Variants in VWA5B2 observed in about 807,000 individuals in gnomAD.
The protein encoded by VWA5B2 is von Willebrand factor A domain-containing protein 5B2.
In VWA5B2, 93 loss-of-function variants were observed where a neutral mutation model predicts 118.5. That is an observed-to-expected ratio of 0.79 (90% CI 0.66 to 0.93). VWA5B2 has a LOEUF of 0.93. Ranked by LOEUF, VWA5B2 falls within the 40% of genes least tolerant of loss-of-function variation. The pLI is 0.00. For synonymous variants in VWA5B2, 708 were observed against 716.3 expected (o/e 0.99, Z 0.19); for missense variants, 1,546 against 1,672.8 (o/e 0.92, Z 1.32).
rs962755124 is a variant in VWA5B2 at position 184,230,477 on chromosome 3, C to G, written c.-52C>G. 2.1e-6 allele frequency: 3 copies of G among 1,397,218 alleles called. No homozygotes were observed. Among genetic ancestry groups the G allele is most frequent in the Non-Finnish European group, 9.2e-7 (1 of 1,085,902 alleles). 86.6% of individuals were successfully genotyped at this position (1,397,218 alleles called of 1,614,324 possible). A position where few individuals can be genotyped will look rare whatever the true frequency, so the allele number is the denominator to read the frequency against. On this transcript the variant is annotated 5_prime_UTR_variant, in exon 2 of 20. Transcript: ENST00000691901. ...GGAGCGCGGGGTGGGCGTCCCGTCA[C>G]CCTGCGCCCAGCTTCCCCGGCCCGT...
Position 184,241,579 on chromosome 3 carries a change from C to T in VWA5B2, c.3270C>T (p.Ala1090=), listed in dbSNP as rs1718668569. The T allele has an allele frequency of 6.5e-7, 1 of 1,547,310 alleles. No homozygotes were observed. The highest frequency in any genetic ancestry group is 1.4e-5 in the African/African-American group (1 of 73,052). The change falls in exon 20 of 20, where the codon GCC becomes GCT. Residue 1090 remains alanine, a synonymous_variant. Transcript: ENST00000691901. The surrounding 1 kb of genome is among the most constrained non-coding windows in gnomAD (Gnocchi z 5.1). The part of the protein sequence containing the change: ...VRISQERLCR[A]SPFAVHRASL... ...TCTCGCAGGAGCGCCTCTGCCGTGC[C>T]TCGCCCTTTGCCGTGCACCGCGCCA...
At position 184,239,275 on chromosome 3, in the gene VWA5B2, C is replaced by A; in HGVS notation, c.2203-119C>A. 8.4e-7 allele frequency: 1 copy of A among 1,191,738 alleles called. No individual in the cohort carries two copies. Among genetic ancestry groups the A allele is most frequent in the Non-Finnish European group, 1.1e-6 (1 of 893,216 alleles). The allele number at this position is 1,191,738 out of a possible 1,614,324, so 73.8% of individuals were successfully genotyped here. A position where few individuals can be genotyped will look rare whatever the true frequency, so the allele number is the denominator to read the frequency against. Reference sequence around the variant, plus strand: ...CCATAAGGAACTTGGCCTTCCTCCTCAAGCTGGTGAGCGGCCACCCAGGGT... The same window carrying A: ...CCATAAGGAACTTGGCCTTCCTCCTAAAGCTGGTGAGCGGCCACCCAGGGT... On this transcript the variant is annotated intron_variant, in intron 14 of 19. Transcript: ENST00000691901. This position sits in a 1 kb window ranked among gnomAD's most constrained non-coding sequence, Gnocchi z 5.1.
Position 184,230,669 on chromosome 3 carries a change from T to C in VWA5B2, c.139+2T>C. The C allele has an allele frequency of 7.7e-7, 1 of 1,305,180 alleles. No homozygotes were observed. The allele number at this position is 1,305,180 out of a possible 1,614,324, so 80.8% of individuals were successfully genotyped here. A position where few individuals can be genotyped will look rare whatever the true frequency, so the allele number is the denominator to read the frequency against. ...ACCCGCAGCCGCAGCCGGTGGACGGTGAGGCCCGGGTGGGGCGCGGGCGCG... is the reference window on the plus strand; with the variant it reads ...ACCCGCAGCCGCAGCCGGTGGACGGCGAGGCCCGGGTGGGGCGCGGGCGCG... On this transcript the variant is annotated splice_donor_variant, in intron 2 of 19. Coordinates refer to ENST00000691901, the MANE Select transcript of VWA5B2 (RefSeq NM_001390846.1). LOFTEE classifies it high-confidence loss of function.
chr3:184,236,685 G>T lies in VWA5B2; in HGVS notation c.1469G>T (p.Gly490Val), dbSNP rs768368368. The T allele has an allele frequency of 7.1e-6, 11 of 1,551,250 alleles. No homozygotes were observed. The highest frequency in any genetic ancestry group is 8.7e-6 in the Non-Finnish European group (10 of 1,146,748). ...LGPTCHQLLQ[G>V]LSALSRGQAY... is the part of the protein sequence containing the mutation. ...CCCACCTGCCACCAGCTGCTCCAGGGTTTATCTGCCCTCAGCAGAGGCCAG... is the reference window on the plus strand; with the variant it reads ...CCCACCTGCCACCAGCTGCTCCAGGTTTTATCTGCCCTCAGCAGAGGCCAG... Residue 490 changes from glycine (G) to valine (V), a missense_variant, in exon 11 of 20, where the codon GGT becomes GTT. Coordinates refer to ENST00000691901, the MANE Select transcript of VWA5B2 (RefSeq NM_001390846.1).
Position 184,230,786 on chromosome 3 carries a change from C to T in VWA5B2, c.179C>T (p.Ser60Phe), listed in dbSNP as rs1490754772. Residue 60 changes from serine (S) to phenylalanine (F), a missense_variant, in exon 3 of 20, where the codon TCC becomes TTC. Around this residue, in one of 3 missense-constraint regions of VWA5B2, gnomAD observed 775 missense variants for 882.3 expected, o/e 0.88. Transcript: ENST00000691901. ...CCGCTGGCCGAGGCCGAGGTGGTGT[C>T]CGGCTTCGAGGCCGAGGCCGCCGGA... ...VYPLAEAEVV[S>F]GFEAEAAGRR... 3.2e-6 allele frequency: 4 copies of T among 1,242,026 alleles called. No individual in the cohort carries two copies. Among genetic ancestry groups the T allele is most frequent in the Non-Finnish European group, 4.0e-6 (4 of 993,718 alleles). 76.9% of individuals were successfully genotyped at this position (1,242,026 alleles called of 1,614,324 possible). A position where few individuals can be genotyped will look rare whatever the true frequency, so the allele number is the denominator to read the frequency against.
Position 184,234,449 on chromosome 3 carries a change from T to C in VWA5B2, c.820+52T>C, listed in dbSNP as rs147056795. The C allele has an allele frequency of 8.4e-6, 13 of 1,545,720 alleles. No individual in the cohort carries two copies. In the East Asian group the frequency reaches 1.7e-4, roughly 20 times the overall value. The stretch of plus-strand genomic sequence containing the variant: ...CGGCTCTGACCTGCTTCTACATGAA[T>C]GGGGGAAGCATTTCTTAAGTGCAGG... On this transcript the variant is annotated intron_variant, in intron 6 of 19. Coordinates refer to ENST00000691901, the MANE Select transcript of VWA5B2 (RefSeq NM_001390846.1).
At position 184,233,526 on chromosome 3, in the gene VWA5B2, T is replaced by C; in HGVS notation, c.531-50T>C. ...GGGCTGGGGCCAGTCAGCCGGAGGG[T>C]TTAGGGGCCTTCACAGTGGCCCAGT... is the stretch of plus-strand genomic sequence containing the variant. On this transcript the variant is annotated intron_variant, in intron 4 of 19. Transcript: ENST00000691901. This position sits in a 1 kb window ranked among gnomAD's most constrained non-coding sequence, Gnocchi z 5.2. The C allele has an allele frequency of 6.5e-7, 1 of 1,537,262 alleles. No individual in the cohort carries two copies. The highest frequency in any genetic ancestry group is 8.8e-7 in the Non-Finnish European group (1 of 1,140,018).
In VWA5B2 at chr3:184,240,872, C is replaced by A; in HGVS notation, c.2822C>A (p.Ala941Asp). Reference sequence around the variant, plus strand: ...CCCTCCTGCTTCACTTGCCCTGTAGCTGTGGATGCTACTACTAGGGAGGTC... The same window carrying A: ...CCCTCCTGCTTCACTTGCCCTGTAGATGTGGATGCTACTACTAGGGAGGTC... ...SAPSCFTCPV[A>D]VDATTREVLP... Residue 941 changes from alanine to aspartate, a missense_variant, in exon 17 of 20, where the codon GCT becomes GAT. Physicochemically the swap from Ala to Asp is moderately radical, Grantham distance 126. Transcript: ENST00000691901. 6.4e-7 allele frequency: 1 copy of A among 1,551,680 alleles called. No homozygotes were observed. Among genetic ancestry groups the A allele is most frequent in the Non-Finnish European group, 8.7e-7 (1 of 1,146,970 alleles).
In VWA5B2 at chr3:184,237,462, C is replaced by T; in HGVS notation, c.1719+51C>T. On this transcript the variant is annotated intron_variant, in intron 12 of 19. Transcript: ENST00000691901. The surrounding 1 kb of genome is among the most constrained non-coding windows in gnomAD (Gnocchi z 5.6). ...GGGGGCTAGGGTGAGGTAGGGGGGC[C>T]TGGGATGGCTGAAGTCCCCGCATCT... 6.7e-7 allele frequency: 1 copy of T among 1,502,102 alleles called. No homozygotes were observed. The allele number at this position is 1,502,102 out of a possible 1,614,324, so 93.0% of individuals were successfully genotyped here. A position where few individuals can be genotyped will look rare whatever the true frequency, so the allele number is the denominator to read the frequency against.
At chr3:184,235,338 G>A (rs2108423984) in intron 8 of VWA5B2, 30 bp downstream of exon 8, 1 of 1,545,596 alleles carries the variant, frequency 6.5e-7, no homozygotes, top group East Asian at 2.5e-5. Context: ...GGGCAGGCCT[G>A]GGGGTTGGGT....
In VWA5B2 at chr3:184,241,424, A is replaced by C. The variant is rs1259182887; in HGVS notation, c.3180+20A>C. ...CCCTTGGTGAGGACTCGGGAGGTGG[A>C]GGGTGGTGCCGCCGGGGCCGGGCGC... On this transcript the variant is annotated intron_variant, in intron 19 of 19. Coordinates refer to ENST00000691901, the MANE Select transcript of VWA5B2 (RefSeq NM_001390846.1). The surrounding 1 kb of genome is among the most constrained non-coding windows in gnomAD (Gnocchi z 5.1). 1.3e-6 allele frequency: 2 copies of C among 1,575,852 alleles called. No homozygotes were observed. The highest frequency in any genetic ancestry group is 2.3e-5 in the East Asian group (1 of 42,840).
chr3:184,239,735 A>G lies in VWA5B2; in HGVS notation c.2439A>G (p.Glu813=). Residue 813 remains glutamate (E), a synonymous_variant, in exon 16 of 20, where the codon GAA becomes GAG. Coordinates refer to ENST00000691901, the MANE Select transcript of VWA5B2 (RefSeq NM_001390846.1). This position sits in a 1 kb window ranked among gnomAD's most constrained non-coding sequence, Gnocchi z 5.1. ...PAPMDWDMLM[E]PPFLFTAVPP... Reference sequence around the variant, plus strand: ...CTATGGACTGGGACATGCTGATGGAACCACCCTTCTTATTCACGGCTGTGC... The same window carrying G: ...CTATGGACTGGGACATGCTGATGGAGCCACCCTTCTTATTCACGGCTGTGC... 1 of 1,500,722 alleles carries G rather than the reference A, an allele frequency of 6.7e-7. No individual in the cohort carries two copies. The highest frequency in any genetic ancestry group is 8.9e-7 in the Non-Finnish European group (1 of 1,118,816). 93.0% of individuals were successfully genotyped at this position (1,500,722 alleles called of 1,614,324 possible).
chr3:184,239,341 A>G lies in VWA5B2; in HGVS notation c.2203-53A>G. The G allele has an allele frequency of 6.8e-7, 1 of 1,461,204 alleles. No homozygotes were observed. The highest frequency in any genetic ancestry group is 9.1e-7 in the Non-Finnish European group (1 of 1,097,762). 90.5% of individuals were successfully genotyped at this position (1,461,204 alleles called of 1,614,324 possible). On this transcript the variant is annotated intron_variant, in intron 14 of 19. Coordinates refer to ENST00000691901, the MANE Select transcript of VWA5B2 (RefSeq NM_001390846.1). This position sits in a 1 kb window ranked among gnomAD's most constrained non-coding sequence, Gnocchi z 5.1. ...TGGGCCAGCTGTGCACCCATGTATG[A>G]TGGTCAAGGGTTCTGCATTCCTTGA...
intron 3 of VWA5B2, among the ~76,000 whole-genome samples, chr3:184,232,004 T>C (rs999119475): frequency 6.6e-6 from 1 of 152,140 alleles, no homozygotes; most frequent in African/African-American, 2.4e-5. Flanking sequence ...AGCAAATGCT[T>C]ATAAGTAGGT....
At position 184,233,105 on chromosome 3, in the gene VWA5B2, C is replaced by T. The variant is rs886101297; in HGVS notation, c.311-73C>T. Reference sequence around the variant, plus strand: ...TTGCCCAGGCTCCCTGACCCAATGCCTGCTTCCACATCTAGCTTCCTCCCT... The same window carrying T: ...TTGCCCAGGCTCCCTGACCCAATGCTTGCTTCCACATCTAGCTTCCTCCCT... On this transcript the variant is annotated intron_variant, in intron 3 of 19. Transcript: ENST00000691901. The surrounding 1 kb of genome is among the most constrained non-coding windows in gnomAD (Gnocchi z 5.2). The T allele has an allele frequency of 7.8e-6, 11 of 1,412,322 alleles. No individual in the cohort carries two copies. The highest frequency in any genetic ancestry group is 1.1e-5 in the Non-Finnish European group (11 of 1,039,646). The allele number at this position is 1,412,322 out of a possible 1,614,324, so 87.5% of individuals were successfully genotyped here. A position where few individuals can be genotyped will look rare whatever the true frequency, so the allele number is the denominator to read the frequency against.
At position 184,239,502 on chromosome 3, in the gene VWA5B2, C is replaced by T. The variant is rs753408823; in HGVS notation, c.2311C>T (p.Arg771Trp). Residue 771 changes from arginine to tryptophan, a missense_variant, in exon 15 of 20, where the codon CGG (arginine) becomes TGG (tryptophan). This residue lies in a region of VWA5B2 where 763 missense variants were observed against 766.6 expected (regional missense o/e 1.00). Transcript: ENST00000691901. The surrounding 1 kb of genome is among the most constrained non-coding windows in gnomAD (Gnocchi z 5.1). ...GGCAAACCAAGTCCCCGGCCGACCCCGGAAACCCTCTTTGGGTGCAATACT... is the reference window on the plus strand; with the variant it reads ...GGCAAACCAAGTCCCCGGCCGACCCTGGAAACCCTCTTTGGGTGCAATACT... ...GRANQVPGRPRKPSLGAILDG... is the reference protein window; with the variant it reads ...GRANQVPGRPWKPSLGAILDG... 37 of 1,549,944 alleles carry T rather than the reference C, an allele frequency of 2.4e-5. 2 individuals carry two copies. The South Asian group carries it at 3.2e-4, about 13-fold the overall frequency.
In VWA5B2 at chr3:184,233,265, C is replaced by T; in HGVS notation, c.398C>T (p.Thr133Ile). The T allele has an allele frequency of 6.5e-7, 1 of 1,547,866 alleles. No individual in the cohort carries two copies. The highest frequency in any genetic ancestry group is 2.4e-5 in the East Asian group (1 of 40,926). The change falls in exon 4 of 20, where the codon ACC (threonine) becomes ATC (isoleucine). Residue 133 changes from threonine to isoleucine, a missense_variant. Thr to Ile is a moderately conservative substitution (Grantham distance 89). This residue lies in a region of VWA5B2 where 775 missense variants were observed against 882.3 expected (regional missense o/e 0.88). Coordinates refer to ENST00000691901, the MANE Select transcript of VWA5B2 (RefSeq NM_001390846.1). The surrounding 1 kb of genome is among the most constrained non-coding windows in gnomAD (Gnocchi z 5.2). Reference protein sequence around the residue: ...IIAAAGTMTVTLHSSRELPSR... With the variant: ...IIAAAGTMTVILHSSRELPSR... ...GCCGCGGCTGGCACCATGACGGTGACCCTGCACAGCAGCCGGGAGCTGCCC... is the reference window on the plus strand; with the variant it reads ...GCCGCGGCTGGCACCATGACGGTGATCCTGCACAGCAGCCGGGAGCTGCCC...
rs753495641 is a variant in VWA5B2 at position 184,239,856 on chromosome 3, T to C, written c.2560T>C (p.Trp854Arg). ...CCTGTGTGGGGAGCAGCCCATGTGC[T>C]GGGAGGTGGGTGTTGGGCTGGAGAC... ...RGLCGEQPMC[W>R]EVGVGLETLW... The change falls in exon 16 of 20, where the codon TGG becomes CGG. Residue 854 changes from tryptophan to arginine, a missense_variant. Trp to Arg is a moderately radical substitution (Grantham distance 101, BLOSUM62 -3). This residue lies in a region of VWA5B2 where 763 missense variants were observed against 766.6 expected (regional missense o/e 1.00). Coordinates refer to ENST00000691901, the MANE Select transcript of VWA5B2 (RefSeq NM_001390846.1). The surrounding 1 kb of genome is among the most constrained non-coding windows in gnomAD (Gnocchi z 5.1). The C allele has an allele frequency of 5.8e-6, 9 of 1,551,694 alleles. No homozygotes were observed. Among genetic ancestry groups the C allele is most frequent in the Non-Finnish European group, 7.8e-6 (9 of 1,146,974 alleles).
chr3:184,238,246 T>A lies in VWA5B2; in HGVS notation c.1720-57T>A. On this transcript the variant is annotated intron_variant, in intron 12 of 19. Coordinates refer to ENST00000691901, the MANE Select transcript of VWA5B2 (RefSeq NM_001390846.1). This position sits in a 1 kb window ranked among gnomAD's most constrained non-coding sequence, Gnocchi z 5.0. Reference sequence around the variant, plus strand: ...TTGCTGTGAGCCATCTAAAAATGTTTGGAAAGAGGTAGCACATAACTGCAG... The same window carrying A: ...TTGCTGTGAGCCATCTAAAAATGTTAGGAAAGAGGTAGCACATAACTGCAG... 1 of 1,405,406 alleles carries A rather than the reference T, an allele frequency of 7.1e-7. No homozygotes were observed. The highest frequency in any genetic ancestry group is 2.5e-5 in the East Asian group (1 of 39,298). The allele number at this position is 1,405,406 out of a possible 1,614,324, so 87.1% of individuals were successfully genotyped here.
Sources: gnomAD v4.1 joint callset for allele counts (sites outside exome capture counted in the v4.1 genomes callset) on GRCh38, gnomAD v4.1.1 for gene constraint, gnomAD v4.1.1 regional missense constraint, Gnocchi (gnomAD v3.1) non-coding constraint, MANE v1.5 for transcripts, NCBI Gene and HGNC (gene_info 2026-07-23, HGNC 2026-07-21) for gene names.